IGFL2: variants seen among roughly 807,000 people sequenced by gnomAD.
The protein encoded by IGFL2 is IGF like family member 2, also known as insulin growth factor-like family member 2.
IGFL2 carries 7 observed loss-of-function variants against 13.9 expected under a neutral mutation model. The ratio of observed to expected loss-of-function variants is 0.51; its 90% CI spans 0.29 to 0.95. The LOEUF (loss-of-function observed/expected upper bound fraction) is 0.95, where lower values mean the gene tolerates loss of function less well. Among genes scored for constraint, IGFL2 ranks in the 40% least tolerant of loss-of-function variants. The probability of loss-of-function intolerance (pLI) is 0.08; values close to 1 mark genes in which losing one functional copy is unlikely to be tolerated. For missense variants in IGFL2, 138 were observed against 147.8 expected (o/e 0.93, Z 0.34); for synonymous variants, 55 against 55.8 (o/e 0.99, Z 0.07).
At chr19:46,124,834 T>C in the IGFL2 span, among the ~76,000 whole-genome samples, 2 of 150,696 alleles carry the variant, frequency 1.3e-5, no homozygotes, top group Non-Finnish European at 2.9e-5. Context: ...GCACATTCAT[T>C]AGTTTCTTTA....
the IGFL2 span, among the ~76,000 whole-genome samples, chr19:46,167,177 A>C: frequency 2.0e-5 from 3 of 152,218 alleles, no homozygotes; most frequent in African/African-American, 7.2e-5. Context: ...TTCACAATCC[A>C]CGTTCTTCTG....
At chr19:46,125,769 C>T in the IGFL2 span, among the ~76,000 whole-genome samples, 1 of 152,190 alleles carries the variant, frequency 6.6e-6, no homozygotes, top group Non-Finnish European at 1.5e-5. Context: ...AGAAGGCCAA[C>T]AATGTGAAGA....
the IGFL2 span, among the ~76,000 whole-genome samples, chr19:46,097,843 C>T: frequency 6.6e-6 from 1 of 152,166 alleles, no homozygotes; most frequent in African/African-American, 2.4e-5. Context: ...ACCTTGAGTT[C>T]TAATTTGATT....
chr19:46,146,193 T>C (rs1394077329), upstream of IGFL2, among the ~76,000 whole-genome samples: 1 of 152,162 alleles, frequency 6.6e-6, no homozygotes, highest in Non-Finnish European at 1.5e-5. Context: ...TCTCACACCA[T>C]TTGTTGAAAT....
chr19:46,180,753 A>G, the IGFL2 span: 1 of 152,248 alleles, frequency 6.6e-6, no homozygotes, highest in Non-Finnish European at 1.5e-5. Flanking sequence ...CCCTGAGAGC[A>G]CCTGGCAAAC....
chr19:46,093,855 G>T, the IGFL2 span, among the ~76,000 whole-genome samples: 3 of 151,864 alleles, frequency 2.0e-5, no homozygotes, highest in African/African-American at 4.8e-5. Context: ...TAAATATCTA[G>T]GCCTGAATCA....
downstream of IGFL2, among the ~76,000 whole-genome samples, chr19:46,166,169 G>A (rs866357268): frequency 1.1e-4 from 16 of 152,320 alleles, no homozygotes; most frequent in South Asian, 2.1e-4. Flanking sequence ...GATACCTATC[G>A]GGGGACCTGC....
At chr19:46,112,782 T>C in the IGFL2 span, among the ~76,000 whole-genome samples, 1 of 152,224 alleles carries the variant, frequency 6.6e-6, no homozygotes, top group Admixed American at 6.5e-5. Flanking sequence ...ACATTCTGGA[T>C]GTAATGTAAT....
At chr19:46,180,194 T>TC in the IGFL2 span, among the ~76,000 whole-genome samples, 1 of 151,210 alleles carries the variant, frequency 6.6e-6, no homozygotes, top group Non-Finnish European at 1.5e-5. Flanking sequence ...TTTTTTTTTT[T>TC]CTGAGACAGA....
the IGFL2 span, among the ~76,000 whole-genome samples, chr19:46,078,776 G>T: frequency 1.3e-5 from 2 of 152,282 alleles, no homozygotes; most frequent in Non-Finnish European, 2.9e-5. Flanking sequence ...AGACTGCTCA[G>T]AAAATGGAGA....
chr19:46,123,838 T>C, the IGFL2 span: 7 of 1,552,438 alleles, frequency 4.5e-6, no homozygotes, highest in Non-Finnish European at 6.1e-6. Context: ...TCTGTATCCC[T>C]CATCCCTCCC....
the IGFL2 span, among the ~76,000 whole-genome samples, chr19:46,173,006 G>T: frequency 6.6e-6 from 1 of 152,220 alleles, no homozygotes; most frequent in African/African-American, 2.4e-5. Context: ...AGCAAAAGGG[G>T]TTGTTAGTCA....
the IGFL2 span, among the ~76,000 whole-genome samples, chr19:46,191,723 A>G: frequency 1.2e-4 from 19 of 152,308 alleles, no homozygotes; most frequent in East Asian, 3.3e-3. Flanking sequence ...GCTGGGAAGC[A>G]GAAATGAGCA....
upstream of IGFL2, among the ~76,000 whole-genome samples, chr19:46,143,535 G>A (rs1972956881): frequency 6.6e-6 from 1 of 151,466 alleles, no homozygotes; most frequent in South Asian, 2.1e-4. Context: ...CAAAGTACTG[G>A]GACTATAGGT....
chr19:46,191,372 C>T, the IGFL2 span, among the ~76,000 whole-genome samples: 16 of 152,094 alleles, frequency 1.1e-4, no homozygotes, highest in African/African-American at 2.9e-4. Flanking sequence ...CCTCCCAGGG[C>T]GGGGTGAGGG....
downstream of IGFL2, among the ~76,000 whole-genome samples, chr19:46,162,103 C>G (rs945914538): frequency 2.0e-5 from 3 of 152,192 alleles, no homozygotes; most frequent in African/African-American, 7.2e-5. Context: ...AAGACTTTTT[C>G]TTTGAGAATG....
the IGFL2 span, among the ~76,000 whole-genome samples, chr19:46,092,937 C>A: frequency 6.6e-6 from 1 of 151,984 alleles, no homozygotes; most frequent in Non-Finnish European, 1.5e-5. Context: ...TACAAGGTAG[C>A]CTTAACCAGA....
the IGFL2 span, chr19:46,123,822 A>C: frequency 6.6e-7 from 1 of 1,507,426 alleles, no homozygotes; most frequent in African/African-American, 1.4e-5. Flanking sequence ...GTTCCTCTTC[A>C]AGCCCTCTGT....
chr19:46,194,845 TA>T, the IGFL2 span, among the ~76,000 whole-genome samples: 4 of 39,016 alleles, frequency 1.0e-4, no homozygotes, highest in African/African-American at 3.0e-4. Flanking sequence ...TATATATATA[TA>T]TATATATTTT....
Sources: gnomAD v4.1 joint callset for allele counts (sites outside exome capture counted in the v4.1 genomes callset) on GRCh38, gnomAD v4.1.1 for gene constraint, MANE v1.5 for transcripts, NCBI Gene and HGNC (gene_info 2026-07-23, HGNC 2026-07-21) for gene names.